The following CCSER1 variants were observed in gnomAD, a reference collection of about 807,000 sequenced individuals.
CCSER1 encodes serine-rich coiled-coil domain-containing protein 1.
A neutral mutation model predicts 82.0 loss-of-function variants in CCSER1; 41 were observed. That is an observed-to-expected ratio of 0.50 (90% CI 0.39 to 0.65). The LOEUF is 0.65. Among genes scored for constraint, CCSER1 ranks in the 30% least tolerant of loss-of-function variants. The pLI, the probability that CCSER1 is intolerant of heterozygous loss-of-function variation, is 0.00. For synonymous variants in CCSER1, 414 were observed against 383.9 expected, an observed-to-expected ratio of 1.08 and a Z score of -0.92; for missense variants, 1,119 against 1,064.2, an observed-to-expected ratio of 1.05 and a Z score of -0.72.
chr4:91,366,600 T>A (rs934200170), intron 10 of CCSER1, among the ~76,000 whole-genome samples: 1 of 152,228 alleles, frequency 6.6e-6, no homozygotes. Context: ...GATTGTCCTG[T>A]GTCTCCTGAT....
At chr4:91,387,595 C>T (rs1380245204) in intron 10 of CCSER1, among the ~76,000 whole-genome samples, 2 of 151,978 alleles carry the variant, frequency 1.3e-5, no homozygotes, top group Non-Finnish European at 2.9e-5. Context: ...AGTAAGATTT[C>T]CTTGAGGCTT....
intron 3 of CCSER1, among the ~76,000 whole-genome samples, chr4:90,391,558 A>G (rs946056241): frequency 5.6e-5 from 8 of 143,878 alleles, no homozygotes; most frequent in Non-Finnish European, 1.2e-4. Flanking sequence ...TTAAAAATAA[A>G]CAATTTAAAA....
At chr4:90,176,412 T>C (rs1455307982) in intron 1 of CCSER1, among the ~76,000 whole-genome samples, 1 of 151,982 alleles carries the variant, frequency 6.6e-6, no homozygotes, top group East Asian at 1.9e-4. Flanking sequence ...AGACCATGGC[T>C]TGTCAATGAG....
intron 1 of CCSER1, among the ~76,000 whole-genome samples, chr4:90,174,118 T>G (rs2153380467): frequency 6.6e-6 from 1 of 151,760 alleles, no homozygotes; most frequent in African/African-American, 2.4e-5. Context: ...CAAGAAGAGG[T>G]GGGTACAGAG....
intron 8 of CCSER1, among the ~76,000 whole-genome samples, chr4:90,821,691 T>A (rs1242999211): frequency 6.6e-6 from 1 of 152,124 alleles, no homozygotes; most frequent in Non-Finnish European, 1.5e-5. Flanking sequence ...ATTTTAAATA[T>A]TTGCATCATA....
chr4:91,106,030 T>C (rs1331384521), intron 10 of CCSER1, among the ~76,000 whole-genome samples: 2 of 152,234 alleles, frequency 1.3e-5, no homozygotes, highest in Non-Finnish European at 2.9e-5. Flanking sequence ...AAAGTAATTC[T>C]GAATTACCAG....
At chr4:90,964,134 C>A (rs2150381948) in intron 9 of CCSER1, among the ~76,000 whole-genome samples, 1 of 152,202 alleles carries the variant, frequency 6.6e-6, no homozygotes, top group East Asian at 1.9e-4. Context: ...TTACTGAATT[C>A]TTCTTTTAGA....
chr4:91,316,247 G>A (rs981567119), intron 10 of CCSER1, among the ~76,000 whole-genome samples: 2 of 151,898 alleles, frequency 1.3e-5, no homozygotes, highest in African/African-American at 4.8e-5. Flanking sequence ...AAATAACACA[G>A]TAATAGTTTT....
intron 6 of CCSER1, among the ~76,000 whole-genome samples, chr4:90,691,407 T>C (rs748374663): frequency 1.1e-4 from 17 of 152,032 alleles, no homozygotes; most frequent in Non-Finnish European, 2.5e-4. Flanking sequence ...TATCCCATAA[T>C]CCCATACATA....
chr4:91,079,883 G>C (rs912501432), intron 9 of CCSER1, among the ~76,000 whole-genome samples: 1 of 152,060 alleles, frequency 6.6e-6, no homozygotes, highest in Non-Finnish European at 1.5e-5. Context: ...TAAATTTATA[G>C]GCACCCAATA....
At chr4:90,897,360 A>G (rs1327516623) in intron 8 of CCSER1, among the ~76,000 whole-genome samples, 1 of 151,778 alleles carries the variant, frequency 6.6e-6, no homozygotes, top group African/African-American at 2.4e-5. Flanking sequence ...CTTATTTCCA[A>G]TTCCCACTTA....
At chr4:90,225,171 C>A (rs910551082) in intron 1 of CCSER1, among the ~76,000 whole-genome samples, 11 of 151,732 alleles carry the variant, frequency 7.2e-5, no homozygotes, top group Admixed American at 6.6e-4. Context: ...TTCAAGTTAT[C>A]CTCCCAACTT....
chr4:90,337,887 G>A (rs576227638), intron 3 of CCSER1, among the ~76,000 whole-genome samples: 1 of 152,192 alleles, frequency 6.6e-6, no homozygotes, highest in Admixed American at 6.5e-5. Context: ...TTTCTTCATT[G>A]TCTGGCTGGG....
chr4:90,549,023 AC>A (rs1214203275), intron 5 of CCSER1, among the ~76,000 whole-genome samples: 2 of 152,108 alleles, frequency 1.3e-5, no homozygotes, highest in African/African-American at 4.8e-5. Flanking sequence ...TCTTAGGAAC[AC>A]ACTTTACAAA....
intron 10 of CCSER1, among the ~76,000 whole-genome samples, chr4:91,258,458 C>T (rs765780418): frequency 1.3e-4 from 19 of 151,982 alleles, no homozygotes; most frequent in Non-Finnish European, 2.2e-4. Context: ...TTCTGCTTGA[C>T]ACATAAAAAT....
intron 4 of CCSER1, among the ~76,000 whole-genome samples, chr4:90,405,351 A>T (rs974003987): frequency 7.2e-5 from 11 of 152,164 alleles, no homozygotes; most frequent in Admixed American, 6.5e-4. Context: ...TCCTCCAAGA[A>T]GTTTGGCACT....
chr4:91,014,241 A>G (rs1381109956), intron 9 of CCSER1, among the ~76,000 whole-genome samples: 1 of 134,492 alleles, frequency 7.4e-6, no homozygotes, highest in Non-Finnish European at 1.7e-5. Context: ...TCAGAAATCT[A>G]TAGCTATCTT....
intron 9 of CCSER1, among the ~76,000 whole-genome samples, chr4:91,082,066 T>C (rs935159020): frequency 6.6e-6 from 1 of 152,158 alleles, no homozygotes; most frequent in Admixed American, 6.5e-5. Flanking sequence ...AAAAACTACT[T>C]TAAATTTCAT....
At chr4:90,599,636 A>G (rs1429404655) in intron 5 of CCSER1, among the ~76,000 whole-genome samples, 1 of 152,070 alleles carries the variant, frequency 6.6e-6, no homozygotes, top group African/African-American at 2.4e-5. Context: ...GGCAGAGGCA[A>G]TGTGTTTTCT....
Sources: gnomAD v4.1 joint callset for allele counts (sites outside exome capture counted in the v4.1 genomes callset) on GRCh38, gnomAD v4.1.1 for gene constraint, MANE v1.5 for transcripts, NCBI Gene and HGNC (gene_info 2026-07-23, HGNC 2026-07-21) for gene names.